Variants in TAS2R1 observed in about 807,000 individuals in gnomAD.
The protein encoded by TAS2R1 is taste 2 receptor member 1, also known as taste receptor type 2 member 1.
For missense variants in TAS2R1, 370 were observed against 353.4 expected, an observed-to-expected ratio of 1.05 and a Z score of -0.38; for synonymous variants, 141 against 134.2, an observed-to-expected ratio of 1.05 and a Z score of -0.35.
the TAS2R1 span, among the ~76,000 whole-genome samples, chr5:9,820,362 T>C: frequency 6.6e-6 from 1 of 152,194 alleles, no homozygotes. Context: ...TTTGAGCCTA[T>C]AAAATTTTCA....
the TAS2R1 span, among the ~76,000 whole-genome samples, chr5:9,797,245 C>A: frequency 6.6e-6 from 1 of 152,152 alleles, no homozygotes; most frequent in Non-Finnish European, 1.5e-5. Context: ...GGAAGGTTTG[C>A]TACTGGCATG....
chr5:9,756,375 T>C, the TAS2R1 span, among the ~76,000 whole-genome samples: 5 of 152,166 alleles, frequency 3.3e-5, no homozygotes, highest in Non-Finnish European at 7.3e-5. Context: ...GTATAGAGAA[T>C]AATTATTTCA....
the TAS2R1 span, among the ~76,000 whole-genome samples, chr5:9,762,396 T>C: frequency 9.2e-5 from 14 of 152,278 alleles, no homozygotes; most frequent in African/African-American, 3.4e-4. Flanking sequence ...TTACTAAACG[T>C]GGTTCATATC....
chr5:9,727,161 C>A, the TAS2R1 span, among the ~76,000 whole-genome samples: 4 of 152,164 alleles, frequency 2.6e-5, no homozygotes, highest in African/African-American at 4.8e-5. Context: ...CTTGATCAAG[C>A]CTTTCATATT....
chr5:9,797,781 C>T, the TAS2R1 span, among the ~76,000 whole-genome samples: 35 of 152,134 alleles, frequency 2.3e-4, 1 homozygote, highest in East Asian at 6.4e-3. Context: ...TTTTGAAATA[C>T]CTTGCAAATT....
the TAS2R1 span, among the ~76,000 whole-genome samples, chr5:9,886,331 A>ATT: frequency 0.085 from 8,338 of 98,040 alleles, 659 homozygotes; most frequent in East Asian, 0.18. Context: ...TGCGCCCAGC[A>ATT]TTTTTTTTTT....
chr5:9,863,863 C>CA, the TAS2R1 span, among the ~76,000 whole-genome samples: 1 of 152,348 alleles, frequency 6.6e-6, no homozygotes, highest in African/African-American at 2.4e-5. Flanking sequence ...AAAGAACACT[C>CA]AGAGGACAGT....
rs1739781837 is a variant in TAS2R1 at position 9,627,728 on chromosome 5, C to G, written c.*1405G>C. Among the ~76,000 whole-genome samples the G allele has an allele frequency of 6.6e-6, 1 of 152,228 alleles. No individual in the cohort carries two copies. The highest frequency in any genetic ancestry group is 2.1e-4 in the South Asian group (1 of 4,832). ...TCCTGAGTGCGTGATTAGCTACAAA[C>G]CTTCCTACCTAGTGGGACGTGGGAA... On this transcript the variant is annotated 3_prime_UTR_variant, in exon 1 of 1. Coordinates refer to ENST00000382492, the MANE Select transcript of TAS2R1 (RefSeq NM_019599.3).
chr5:9,809,976 CT>C, the TAS2R1 span, among the ~76,000 whole-genome samples: 2 of 152,234 alleles, frequency 1.3e-5, no homozygotes, highest in Non-Finnish European at 2.9e-5. Flanking sequence ...TGGTCATCAA[CT>C]TTACATGGAA....
the TAS2R1 span, among the ~76,000 whole-genome samples, chr5:9,781,488 A>G: frequency 2.0e-4 from 30 of 152,122 alleles, no homozygotes; most frequent in African/African-American, 7.0e-4. Context: ...CCTAATCTGT[A>G]ACTGAGACAA....
At chr5:9,677,566 G>C (rs967098521) in intron 1 of TAS2R1, among the ~76,000 whole-genome samples, 1 of 152,110 alleles carries the variant, frequency 6.6e-6, no homozygotes, top group Non-Finnish European at 1.5e-5. Flanking sequence ...AAACAAGCAT[G>C]TGAAAAGATA....
At chr5:9,672,222 T>C (rs377042166) in intron 1 of TAS2R1, among the ~76,000 whole-genome samples, 150 of 152,276 alleles carry the variant, frequency 9.9e-4, no homozygotes, top group African/African-American at 2.7e-3. Context: ...ATTCTGAACA[T>C]AGGCCCTGAC....
At chr5:9,785,242 T>C in the TAS2R1 span, among the ~76,000 whole-genome samples, 1 of 152,180 alleles carries the variant, frequency 6.6e-6, no homozygotes, top group East Asian at 1.9e-4. Context: ...CACACACCTA[T>C]GTAGGCAGAT....
chr5:9,661,568 C>G (rs756524358), intron 1 of TAS2R1, among the ~76,000 whole-genome samples: 1 of 152,192 alleles, frequency 6.6e-6, no homozygotes, highest in Non-Finnish European at 1.5e-5. Flanking sequence ...CAGTTGTCTA[C>G]AGGAAGAATT....
chr5:9,742,780 T>C, the TAS2R1 span, among the ~76,000 whole-genome samples: 1 of 152,186 alleles, frequency 6.6e-6, no homozygotes, highest in African/African-American at 2.4e-5. Flanking sequence ...TGGCTGCATC[T>C]AATTCAATGT....
chr5:9,771,953 CT>C, the TAS2R1 span, among the ~76,000 whole-genome samples: 1 of 151,900 alleles, frequency 6.6e-6, no homozygotes, highest in Non-Finnish European at 1.5e-5. Flanking sequence ...CAAAAAACAA[CT>C]TTTAATTTTG....
intron 1 of TAS2R1, among the ~76,000 whole-genome samples, chr5:9,679,079 C>T (rs1289391699): frequency 6.6e-6 from 1 of 152,142 alleles, no homozygotes; most frequent in African/African-American, 2.4e-5. Context: ...CCTTAAATGC[C>T]TATTACTAAG....
chr5:9,897,713 C>T, the TAS2R1 span, among the ~76,000 whole-genome samples: 8 of 152,140 alleles, frequency 5.3e-5, no homozygotes, highest in Non-Finnish European at 1.0e-4. Flanking sequence ...GCTGAATTAA[C>T]ATTTGAAAGA....
At chr5:9,725,724 C>G in the TAS2R1 span, among the ~76,000 whole-genome samples, 3 of 152,336 alleles carry the variant, frequency 2.0e-5, no homozygotes, top group South Asian at 2.1e-4. Context: ...GCACACGGCA[C>G]GGGACTGGCA....
Sources: allele counts gnomAD v4.1 joint callset (sites outside exome capture counted in the v4.1 genomes callset), GRCh38; gene constraint gnomAD v4.1.1; transcripts MANE v1.5; gene names NCBI Gene and HGNC (gene_info 2026-07-23, HGNC 2026-07-21).